Variants in PCYOX1 observed in about 807,000 individuals in gnomAD.
PCYOX1 encodes prenylcysteine lyase.
A neutral mutation model predicts 46.4 loss-of-function variants in PCYOX1; 46 were observed. The ratio of observed to expected loss-of-function variants is 0.99; its 90% CI spans 0.78 to 1.27. The LOEUF (loss-of-function observed/expected upper bound fraction) is 1.27, where lower values mean the gene tolerates loss of function less well. Among genes scored for constraint, PCYOX1 ranks in the 50% most tolerant of loss-of-function variants. The pLI is 0.00. For synonymous variants in PCYOX1, 220 were observed against 231.8 expected (o/e 0.95, Z 0.46); for missense variants, 658 against 628.3 (o/e 1.05, Z -0.51).
At position 70,258,201 on chromosome 2, in the gene PCYOX1, C is replaced by T. The variant is rs1696375536; in HGVS notation, c.37C>T (p.Leu13=). The T allele has an allele frequency of 1.9e-6, 3 of 1,599,502 alleles. No individual in the cohort carries two copies. The highest frequency in any genetic ancestry group is 1.7e-5 in the Admixed American group (1 of 59,594). Residue 13 remains leucine, a synonymous_variant, in exon 1 of 6, where the codon CTG becomes TTG. Transcript: ENST00000433351. ...CGTCGCGGAGCTCGTCTCCTCGCTGCTGGGGTTGTGGCTGTTGCTGTGCAG... is the reference window on the plus strand; with the variant it reads ...CGTCGCGGAGCTCGTCTCCTCGCTGTTGGGGTTGTGGCTGTTGCTGTGCAG... ...RVVAELVSSL[L]GLWLLLCSCG... is the part of the protein sequence containing the mutation.
In PCYOX1 at chr2:70,279,837, T is replaced by A. The variant is rs1368225743; in HGVS notation, c.*2445T>A. 6.6e-6 allele frequency: 1 copy of A among 151,186 alleles called. No individual in the cohort carries two copies. Among genetic ancestry groups the A allele is most frequent in the Non-Finnish European group, 1.5e-5 (1 of 67,972 alleles). The allele number at this position is 151,186 out of a possible 1,614,324, so 9.4% of individuals were successfully genotyped here. On this transcript the variant is annotated 3_prime_UTR_variant, in exon 6 of 6. Coordinates refer to ENST00000433351, the MANE Select transcript of PCYOX1 (RefSeq NM_016297.4). ...TGGGTATGGTGGCTCACCAGCACTT[T>A]GGGAGGCTGAGGCAGGTGGATCTCT...
intron 3 of PCYOX1, among the ~76,000 whole-genome samples, chr2:70,264,203 G>A (rs1349292241): frequency 6.6e-6 from 1 of 151,542 alleles, no homozygotes; most frequent in Admixed American, 6.6e-5. Flanking sequence ...GGGCTCGAGT[G>A]TTCCACTCAC....
intron 3 of PCYOX1, among the ~76,000 whole-genome samples, chr2:70,263,717 TG>T (rs1696472916): frequency 6.6e-6 from 1 of 151,880 alleles, no homozygotes; most frequent in Non-Finnish European, 1.5e-5. Context: ...TGGAGTGCAG[TG>T]GCGGGATCTC....
Position 70,258,218 on chromosome 2 carries a change from G to T in PCYOX1, c.54G>T (p.Leu18Phe). 1 of 1,598,284 alleles carries T rather than the reference G, an allele frequency of 6.3e-7. No homozygotes were observed. The highest frequency in any genetic ancestry group is 8.5e-7 in the Non-Finnish European group (1 of 1,176,458). Residue 18 changes from leucine (L) to phenylalanine (F), a missense_variant, in exon 1 of 6, where the codon TTG becomes TTT. Physicochemically the swap from Leu to Phe is conservative, Grantham distance 22. Transcript: ENST00000433351. ...LVSSLLGLWLLLCSCGCPEGA... is the reference protein window; with the variant it reads ...LVSSLLGLWLFLCSCGCPEGA... ...CCTCGCTGCTGGGGTTGTGGCTGTTGCTGTGCAGCTGCGGATGCCCCGAGG... is the reference window on the plus strand; with the variant it reads ...CCTCGCTGCTGGGGTTGTGGCTGTTTCTGTGCAGCTGCGGATGCCCCGAGG...
chr2:70,259,940 T>C (rs1292813042), intron 2 of PCYOX1, among the ~76,000 whole-genome samples: 1 of 152,086 alleles, frequency 6.6e-6, no homozygotes, highest in African/African-American at 2.4e-5. Context: ...CTTAGCCTCC[T>C]GAGTAGCTGG....
chr2:70,261,273 A>G lies in PCYOX1; in HGVS notation c.381A>G (p.Val127=), dbSNP rs1696432743. The change falls in exon 3 of 6, where the codon GTA becomes GTG. Residue 127 remains valine, a synonymous_variant. Transcript: ENST00000433351. ...GGATATATAATGGAGAGACTCTGGT[A>G]TTTGAGGAGAGCAACTGGTTCATAA... The part of the protein sequence containing the change: ...LLGIYNGETL[V]FEESNWFIIN... 6.2e-7 allele frequency: 1 copy of G among 1,610,612 alleles called. No individual in the cohort carries two copies. The highest frequency in any genetic ancestry group is 1.7e-5 in the Admixed American group (1 of 60,008).
intron 3 of PCYOX1, among the ~76,000 whole-genome samples, chr2:70,270,961 A>G (rs1355483822): frequency 6.6e-6 from 1 of 152,184 alleles, no homozygotes; most frequent in Non-Finnish European, 1.5e-5. Context: ...TCCTGACCTC[A>G]GGTGATCCAC....
chr2:70,262,082 A>C (rs1453953052), intron 3 of PCYOX1, among the ~76,000 whole-genome samples: 1 of 152,192 alleles, frequency 6.6e-6, no homozygotes, highest in Non-Finnish European at 1.5e-5. Flanking sequence ...GGTAATCAGG[A>C]AGACTAACAT....
At chr2:70,270,244 G>A (rs1209353964) in intron 3 of PCYOX1, among the ~76,000 whole-genome samples, 2 of 152,010 alleles carry the variant, frequency 1.3e-5, no homozygotes, top group African/African-American at 4.8e-5. Flanking sequence ...GATCCGCCTG[G>A]CTCAGCTTCC....
At chr2:70,268,578 A>T (rs916226988) in intron 3 of PCYOX1, among the ~76,000 whole-genome samples, 2 of 152,078 alleles carry the variant, frequency 1.3e-5, no homozygotes, top group African/African-American at 4.8e-5. Context: ...CGGGCAGATC[A>T]CCTGAGGTTG....
At chr2:70,270,706 G>A (rs1225019145) in intron 3 of PCYOX1, among the ~76,000 whole-genome samples, 1 of 152,134 alleles carries the variant, frequency 6.6e-6, no homozygotes, top group Non-Finnish European at 1.5e-5. Context: ...TTTTTGGACA[G>A]TCTTATTTAG....
intron 3 of PCYOX1, among the ~76,000 whole-genome samples, chr2:70,274,480 A>G (rs1209637135): frequency 1.3e-5 from 2 of 151,460 alleles, no homozygotes; most frequent in African/African-American, 4.8e-5. Context: ...ACAGGCATGA[A>G]ACCACCGCGC....
At position 70,280,380 on chromosome 2, in the gene PCYOX1, A is replaced by G. The variant is rs1477217545; in HGVS notation, c.*2988A>G. 1 of 152,064 alleles carries G rather than the reference A, an allele frequency of 6.6e-6. No individual in the cohort carries two copies. The highest frequency in any genetic ancestry group is 2.1e-4 in the South Asian group (1 of 4,832). 9.4% of individuals were successfully genotyped at this position (152,064 alleles called of 1,614,324 possible). On this transcript the variant is annotated 3_prime_UTR_variant, in exon 6 of 6. Coordinates refer to ENST00000433351, the MANE Select transcript of PCYOX1 (RefSeq NM_016297.4). Reference sequence around the variant, plus strand: ...TGCTCCAGACCTTTTTTTTTAATAGAAGAGACTGGTAAAAATGATGCAGGG... The same window carrying G: ...TGCTCCAGACCTTTTTTTTTAATAGGAGAGACTGGTAAAAATGATGCAGGG...
intron 2 of PCYOX1, among the ~76,000 whole-genome samples, chr2:70,260,458 C>G (rs1696419613): frequency 6.6e-6 from 1 of 152,204 alleles, no homozygotes; most frequent in African/African-American, 2.4e-5. Flanking sequence ...GCAGGAGGAT[C>G]CCTTGAGCCT....
chr2:70,267,195 G>A lies in PCYOX1; in HGVS notation c.494+5809G>A, dbSNP rs377093847. Among the ~76,000 whole-genome samples the A allele has an allele frequency of 6.0e-4, 92 of 152,142 alleles. 2 individuals are homozygous for A. Among genetic ancestry groups the A allele is most frequent in the African/African-American group, 2.1e-3 (86 of 41,528 alleles). ...GCGCTCTTCACATCTCAGACGGGGC[G>A]GCGGGGCAGAGGCGCTCCCCACATC... is the stretch of plus-strand genomic sequence containing the variant. On this transcript the variant is annotated intron_variant, in intron 3 of 5. Coordinates refer to ENST00000433351, the MANE Select transcript of PCYOX1 (RefSeq NM_016297.4).
At chr2:70,259,320 A>G in intron 1 of PCYOX1, 40 bp from the exon 2 acceptor site, 3 of 1,560,354 alleles carry the variant, frequency 1.9e-6, no homozygotes, top group Non-Finnish European at 2.6e-6. Flanking sequence ...CAGAGCTGGT[A>G]AAAGGGGAAA....
chr2:70,266,300 G>A (rs960326396), intron 3 of PCYOX1, among the ~76,000 whole-genome samples: 5 of 152,016 alleles, frequency 3.3e-5, no homozygotes, highest in Non-Finnish European at 5.9e-5. Flanking sequence ...TGCTAGGAAG[G>A]GGTGTGCGTC....
intron 3 of PCYOX1, among the ~76,000 whole-genome samples, chr2:70,262,670 G>C (rs1001042051): frequency 2.6e-5 from 4 of 151,640 alleles, no homozygotes; most frequent in South Asian, 4.2e-4. Flanking sequence ...TAGTAGAGAC[G>C]GGGTTTCACT....
chr2:70,277,561 G>A lies in PCYOX1; in HGVS notation c.*169G>A, dbSNP rs1328367826. 3.4e-6 allele frequency: 2 copies of A among 595,330 alleles called. No individual in the cohort carries two copies. Among genetic ancestry groups the A allele is most frequent in the African/African-American group, 1.9e-5 (1 of 53,750 alleles). The allele number at this position is 595,330 out of a possible 1,614,324, so 36.9% of individuals were successfully genotyped here. ...ACACACGGTTCTAATTAAGTGTGAA[G>A]GTATAGCTATTGCACTTATGCCATC... On this transcript the variant is annotated 3_prime_UTR_variant, in exon 6 of 6. Coordinates refer to ENST00000433351, the MANE Select transcript of PCYOX1 (RefSeq NM_016297.4).
Sources: gnomAD v4.1 joint callset for allele counts (sites outside exome capture counted in the v4.1 genomes callset) on GRCh38, gnomAD v4.1.1 for gene constraint, MANE v1.5 for transcripts, NCBI Gene and HGNC (gene_info 2026-07-23, HGNC 2026-07-21) for gene names.